Variants in NAPEPLD observed in about 807,000 individuals in gnomAD.
NAPEPLD encodes the protein N-acyl-phosphatidylethanolamine-hydrolyzing phospholipase D.
In NAPEPLD, 23 loss-of-function variants were observed where a neutral mutation model predicts 38.1. The observed-to-expected ratio is 0.60, with a 90% CI of 0.43 to 0.86. The LOEUF (loss-of-function observed/expected upper bound fraction) is 0.86, where lower values mean the gene tolerates loss of function less well. Among genes scored for constraint, NAPEPLD ranks in the 40% least tolerant of loss-of-function variants. NAPEPLD has a pLI of 0.00. For synonymous variants in NAPEPLD, 147 were observed against 162.0 expected, an observed-to-expected ratio of 0.91 and a Z score of 0.71; for missense variants, 411 against 476.8, an observed-to-expected ratio of 0.86 and a Z score of 1.28.
At chr7:103,137,645 A>G (rs1810337829) in intron 1 of NAPEPLD, among the ~76,000 whole-genome samples, 3 of 152,102 alleles carry the variant, frequency 2.0e-5, no homozygotes, top group African/African-American at 4.8e-5. Flanking sequence ...AATGATATAC[A>G]TAAGTATTTA....
rs1204250478 is a variant in NAPEPLD at position 103,128,803 on chromosome 7, C to G, written c.-16-11G>C. ...TCCTTTGGTGAAGAACTAAAAAAAACAAGGGGGAAAAATACTGAGTTGAAC... is the reference window on the plus strand; with the variant it reads ...TCCTTTGGTGAAGAACTAAAAAAAAGAAGGGGGAAAAATACTGAGTTGAAC... On this transcript the variant is annotated splice_polypyrimidine_tract_variant and intron_variant, in intron 1 of 4. Coordinates refer to ENST00000465647, the MANE Select transcript of NAPEPLD (RefSeq NM_001122838.3). 6.3e-7 allele frequency: 1 copy of G among 1,592,730 alleles called. No individual in the cohort carries two copies.
chr7:103,138,473 CTT>C (rs59334185), intron 1 of NAPEPLD, among the ~76,000 whole-genome samples: 2 of 144,662 alleles, frequency 1.4e-5, no homozygotes. Context: ...TTCTACAGCC[CTT>C]TTTTTTTTTT....
intron 4 of NAPEPLD, among the ~76,000 whole-genome samples, chr7:103,114,173 AG>A (rs1805135240): frequency 6.6e-6 from 1 of 152,196 alleles, no homozygotes; most frequent in Non-Finnish European, 1.5e-5. Context: ...CTGGGATTAC[AG>A]GTGTGAGCCA....
rs1806361187 is a variant in NAPEPLD at position 103,120,185 on chromosome 7, A to G, written c.333T>C (p.Phe111=). ...CTCCAGCTTCTTCAGGGTTAGTGATAAAATATGGCTTAAGCACTGGGAGTT... is the reference window on the plus strand; with the variant it reads ...CTCCAGCTTCTTCAGGGTTAGTGATGAAATATGGCTTAAGCACTGGGAGTT... ...DKELPVLKPY[F]ITNPEEAGVR... Residue 111 remains phenylalanine (F), a synonymous_variant, in exon 3 of 5, where the codon TTT becomes TTC. Transcript: ENST00000465647. The G allele has an allele frequency of 6.2e-7, 1 of 1,614,052 alleles. No individual in the cohort carries two copies. Among genetic ancestry groups the G allele is most frequent in the Non-Finnish European group, 8.5e-7 (1 of 1,180,034 alleles).
intron 4 of NAPEPLD, among the ~76,000 whole-genome samples, chr7:103,108,624 C>T (rs1374467760): frequency 6.6e-6 from 1 of 152,170 alleles, no homozygotes; most frequent in East Asian, 1.9e-4. Flanking sequence ...CCAGTATAAG[C>T]CACTGCAAAA....
At chr7:103,112,779 A>G (rs1014516564) in intron 4 of NAPEPLD, among the ~76,000 whole-genome samples, 3 of 152,206 alleles carry the variant, frequency 2.0e-5, no homozygotes, top group Admixed American at 1.3e-4. Context: ...AAAGGGTAAC[A>G]TATCCTCTCT....
rs1234731286 is a variant in NAPEPLD at position 103,101,130 on chromosome 7, A to G, written c.*2299T>C. 2.0e-5 allele frequency: 3 copies of G among 152,252 alleles called. No homozygotes were observed. Among genetic ancestry groups the G allele is most frequent in the Non-Finnish European group, 4.4e-5 (3 of 68,050 alleles). 9.4% of individuals were successfully genotyped at this position (152,252 alleles called of 1,614,324 possible). A position where few individuals can be genotyped will look rare whatever the true frequency, so the allele number is the denominator to read the frequency against. ...GATTTTCAATTCGGCGTGCAGCAGCAGGGAATATGGCTACAACAACGCTGG... is the reference window on the plus strand; with the variant it reads ...GATTTTCAATTCGGCGTGCAGCAGCGGGGAATATGGCTACAACAACGCTGG... On this transcript the variant is annotated 3_prime_UTR_variant, in exon 5 of 5. Coordinates refer to ENST00000465647, the MANE Select transcript of NAPEPLD (RefSeq NM_001122838.3).
At chr7:103,104,657 A>G (rs1802946790) in intron 4 of NAPEPLD, among the ~76,000 whole-genome samples, 1 of 152,232 alleles carries the variant, frequency 6.6e-6, no homozygotes, top group Non-Finnish European at 1.5e-5. Context: ...TGGTTATCCA[A>G]TATTCCTAGA....
intron 3 of NAPEPLD, among the ~76,000 whole-genome samples, chr7:103,117,369 G>C (rs534335637): frequency 2.6e-5 from 4 of 152,196 alleles, no homozygotes; most frequent in African/African-American, 9.6e-5. Context: ...TTTCTCTCTT[G>C]ATTTTTTTTA....
At chr7:103,110,041 G>C (rs1804196207) in intron 4 of NAPEPLD, among the ~76,000 whole-genome samples, 1 of 152,124 alleles carries the variant, frequency 6.6e-6, no homozygotes. Flanking sequence ...TTCCTGAATA[G>C]GCCAATAACA....
intron 1 of NAPEPLD, among the ~76,000 whole-genome samples, chr7:103,137,168 A>G (rs918422932): frequency 3.3e-5 from 5 of 152,292 alleles, no homozygotes; most frequent in Admixed American, 1.3e-4. Context: ...CAAACTCCTG[A>G]CCTCGTGATC....
chr7:103,117,687 T>C (rs754181997), intron 3 of NAPEPLD, among the ~76,000 whole-genome samples: 5 of 152,180 alleles, frequency 3.3e-5, no homozygotes, highest in Non-Finnish European at 7.3e-5. Context: ...AATTTAACTC[T>C]CTTAGGGCAA....
intron 3 of NAPEPLD, among the ~76,000 whole-genome samples, chr7:103,116,991 T>C (rs1235419872): frequency 6.6e-6 from 1 of 152,226 alleles, no homozygotes; most frequent in Non-Finnish European, 1.5e-5. Context: ...GAAAGACGTA[T>C]TATTCCTGAT....
intron 3 of NAPEPLD, among the ~76,000 whole-genome samples, chr7:103,116,072 T>C (rs7784732): frequency 0.88 from 132,937 of 151,776 alleles, 60,943 homozygotes; most frequent in East Asian, 1. Context: ...TTCTTTTTTT[T>C]TTTTTCTGAG....
At chr7:103,143,015 G>A (rs941990048) in intron 1 of NAPEPLD, among the ~76,000 whole-genome samples, 3 of 151,958 alleles carry the variant, frequency 2.0e-5, no homozygotes, top group African/African-American at 7.3e-5. Flanking sequence ...CTTGAGCCCA[G>A]GAGTTCAAGA....
chr7:103,107,644 G>A lies in NAPEPLD; in HGVS notation c.1057-4090C>T, dbSNP rs536311460. On this transcript the variant is annotated intron_variant, in intron 4 of 4. Coordinates refer to ENST00000465647, the MANE Select transcript of NAPEPLD (RefSeq NM_001122838.3). ...GCCGAATCGATCAAGCAGAAGAAAGGATATCAGAGATTGAAGATCAACTCA... is the reference window on the plus strand; with the variant it reads ...GCCGAATCGATCAAGCAGAAGAAAGAATATCAGAGATTGAAGATCAACTCA... 2.2e-4 allele frequency among the ~76,000 whole-genome samples: 33 copies of A among 151,976 alleles called. No homozygotes were observed. The South Asian group carries it at 6.8e-3, about 32-fold the overall frequency.
At chr7:103,140,979 G>C (rs2129536140) in intron 1 of NAPEPLD, among the ~76,000 whole-genome samples, 1 of 152,236 alleles carries the variant, frequency 6.6e-6, no homozygotes, top group East Asian at 1.9e-4. Context: ...AGGCAAGCAA[G>C]GCCAGCTCTA....
At chr7:103,110,813 T>G (rs926098519) in intron 4 of NAPEPLD, among the ~76,000 whole-genome samples, 1 of 152,176 alleles carries the variant, frequency 6.6e-6, no homozygotes, top group Non-Finnish European at 1.5e-5. Context: ...ATGACATGAT[T>G]GTATATTTAG....
intron 4 of NAPEPLD, among the ~76,000 whole-genome samples, chr7:103,107,112 G>C (rs1255863608): frequency 6.6e-6 from 1 of 152,102 alleles, no homozygotes; most frequent in Non-Finnish European, 1.5e-5. Flanking sequence ...AGGCAAACAG[G>C]GTCTGGAGTG....
Sources: allele counts gnomAD v4.1 joint callset (sites outside exome capture counted in the v4.1 genomes callset), GRCh38; gene constraint gnomAD v4.1.1; transcripts MANE v1.5; gene names NCBI Gene and HGNC (gene_info 2026-07-23, HGNC 2026-07-21).